WSCD2: variants seen among roughly 807,000 people sequenced by gnomAD.
The protein encoded by WSCD2 is WSC domain sialate O sulfotransferase 2.
In WSCD2, 28 loss-of-function variants were observed where a neutral mutation model predicts 55.7. The ratio of observed to expected loss-of-function variants is 0.50; its 90% confidence interval spans 0.37 to 0.69. The LOEUF is 0.69. Among genes scored for constraint, WSCD2 ranks in the 30% least tolerant of loss-of-function variants. WSCD2 has a pLI of 0.00. For missense variants in WSCD2, 616 were observed against 762.1 expected (o/e 0.81, Z 2.26); for synonymous variants, 301 against 301.9 (o/e 1.00, Z 0.03).
At position 108,196,206 on chromosome 12, in the gene WSCD2, A is replaced by C. The variant is rs369077410; in HGVS notation, c.374A>C (p.Glu125Ala). The part of the protein sequence containing the change: ...LKGRVVREKE[E>A]ERAKYIGCYL... Reference sequence around the variant, plus strand: ...GGGAGGGTTGTCCGGGAGAAGGAGGAAGAGCGAGGTAAGAGCGAGGAACAT... The same window carrying C: ...GGGAGGGTTGTCCGGGAGAAGGAGGCAGAGCGAGGTAAGAGCGAGGAACAT... Residue 125 changes from glutamate to alanine, a missense_variant, in exon 2 of 9, where the codon GAA becomes GCA. By Grantham distance (107) the Glu-to-Ala change is moderately radical (BLOSUM62 -1). Coordinates refer to ENST00000547525, the MANE Select transcript of WSCD2 (RefSeq NM_014653.4). 20 of 1,612,850 alleles carry C rather than the reference A, an allele frequency of 1.2e-5. No homozygotes were observed. In the African/African-American group the frequency reaches 2.7e-4, roughly 22 times the overall value.
intron 1 of WSCD2, among the ~76,000 whole-genome samples, chr12:108,174,512 C>T (rs1333784346): frequency 6.6e-6 from 1 of 152,206 alleles, no homozygotes. Flanking sequence ...GATGTCATTG[C>T]TGGACAGTGT....
chr12:108,178,373 C>T (rs144665946), intron 1 of WSCD2, among the ~76,000 whole-genome samples: 3 of 152,262 alleles, frequency 2.0e-5, no homozygotes, highest in African/African-American at 7.2e-5. Flanking sequence ...ATCACTTGTT[C>T]ATTGACCTAC....
At chr12:108,136,154 A>T (rs1876189366) in intron 1 of WSCD2, among the ~76,000 whole-genome samples, 1 of 152,142 alleles carries the variant, frequency 6.6e-6, no homozygotes, top group Admixed American at 6.5e-5. Context: ...AACTCCAGAG[A>T]CTGTGAGCTG....
At chr12:108,148,462 GGGTAGT>G (rs543071996) in intron 1 of WSCD2, among the ~76,000 whole-genome samples, 120 of 151,892 alleles carry the variant, frequency 7.9e-4, no homozygotes, top group African/African-American at 2.9e-3. Flanking sequence ...CAATGGCGGT[GGGTAGT>G]GTGGGAGGTA....
At chr12:108,235,936 C>A (rs1324665424) in intron 7 of WSCD2, among the ~76,000 whole-genome samples, 1 of 152,188 alleles carries the variant, frequency 6.6e-6, no homozygotes, top group African/African-American at 2.4e-5. Flanking sequence ...ATCTAGCTAA[C>A]CCTGCCCAGT....
intron 7 of WSCD2, among the ~76,000 whole-genome samples, chr12:108,233,369 T>C (rs895406330): frequency 1.3e-5 from 2 of 152,220 alleles, no homozygotes; most frequent in African/African-American, 4.8e-5. Context: ...GGGTGCTCTA[T>C]TTTCATTCCA....
chr12:108,224,962 T>G, intron 5 of WSCD2, 102 bp downstream of exon 5: 1 of 1,498,236 alleles, frequency 6.7e-7, no homozygotes, highest in East Asian at 2.3e-5. Context: ...TCAGTCGGGA[T>G]AGATGTAGTC....
chr12:108,161,096 A>C (rs1241605231), intron 1 of WSCD2, among the ~76,000 whole-genome samples: 1 of 152,238 alleles, frequency 6.6e-6, no homozygotes, highest in East Asian at 1.9e-4. Context: ...GCCACCACAC[A>C]CATGGTGTAT....
intron 1 of WSCD2, among the ~76,000 whole-genome samples, chr12:108,168,036 C>T (rs1474952628): frequency 6.6e-6 from 1 of 152,220 alleles, no homozygotes; most frequent in Non-Finnish European, 1.5e-5. Flanking sequence ...AGAAACTCAG[C>T]AATGGAGCAG....
At chr12:108,212,790 C>G (rs1279684332) in intron 4 of WSCD2, among the ~76,000 whole-genome samples, 3 of 152,128 alleles carry the variant, frequency 2.0e-5, no homozygotes, top group African/African-American at 7.2e-5. Flanking sequence ...GTGCTTTGTA[C>G]CATCTGAGAA....
chr12:108,191,349 C>T, intron 1 of WSCD2, among the ~76,000 whole-genome samples: 1 of 152,178 alleles, frequency 6.6e-6, no homozygotes, highest in East Asian at 1.9e-4. Context: ...GGGACAATGA[C>T]AGACTAGAGA....
At chr12:108,227,480 G>A (rs74879551) in intron 6 of WSCD2, among the ~76,000 whole-genome samples, 2,831 of 152,268 alleles carry the variant, frequency 0.019, 97 homozygotes, top group African/African-American at 0.065. Context: ...GTGTTATCCC[G>A]GACAAGTCAT....
chr12:108,132,502 G>A (rs1875685945), intron 1 of WSCD2, among the ~76,000 whole-genome samples: 2 of 152,152 alleles, frequency 1.3e-5, no homozygotes, highest in Admixed American at 6.5e-5. Flanking sequence ...GAGTGTGAGC[G>A]TGCATGTCTA....
intron 4 of WSCD2, among the ~76,000 whole-genome samples, chr12:108,212,544 TCCC>T (rs1886325733): frequency 6.7e-6 from 1 of 150,216 alleles, no homozygotes; most frequent in Non-Finnish European, 1.5e-5. Context: ...CCTCTTTCTC[TCCC>T]CCACCTTCCT....
In WSCD2 at chr12:108,164,148, T is replaced by TTTTTTTTTTTTG. The variant is rs1879380467; in HGVS notation, c.-551-31123_-551-31122insGTTTTTTTTTTT. On this transcript the variant is annotated intron_variant, in intron 1 of 8. Coordinates refer to ENST00000547525, the MANE Select transcript of WSCD2 (RefSeq NM_014653.4). ...TGTTTAATCTTAAATCCTTTTTTTT[T>TTTTTTTTTTTTG]TTTTTTTTTTTTTTCAGAGAGGGGG... is the stretch of plus-strand genomic sequence containing the variant. 1.6e-5 allele frequency among the ~76,000 whole-genome samples: 2 copies of TTTTTTTTTTTTG among 123,710 alleles called. 1 individual carries two copies. The highest frequency in any genetic ancestry group is 5.4e-5 in the African/African-American group (2 of 36,950). The allele number at this position is 123,710 out of a possible 152,430, so 81.2% of individuals were successfully genotyped here.
chr12:108,219,358 A>T (rs1887211752), intron 4 of WSCD2, among the ~76,000 whole-genome samples: 1 of 152,192 alleles, frequency 6.6e-6, no homozygotes, highest in African/African-American at 2.4e-5. Flanking sequence ...GTCGGCATCC[A>T]CATGCCCAGA....
At chr12:108,154,862 G>A (rs1448789182) in intron 1 of WSCD2, among the ~76,000 whole-genome samples, 1 of 152,076 alleles carries the variant, frequency 6.6e-6, no homozygotes, top group Non-Finnish European at 1.5e-5. Context: ...TGCAATCAAG[G>A]TGTGATGGGC....
intron 1 of WSCD2, among the ~76,000 whole-genome samples, chr12:108,147,044 T>A (rs1877466875): frequency 2.6e-5 from 4 of 152,182 alleles, no homozygotes; most frequent in Admixed American, 2.6e-4. Context: ...AGTGACCAAC[T>A]GGTTGCGGTT....
rs777814441 is a variant in WSCD2, at chr12:108,250,203, A to AT, written c.*1860_*1861insT. On this transcript the variant is annotated 3_prime_UTR_variant, in exon 9 of 9. Transcript: ENST00000547525. ...GTGTGTGTGTGTGTGTGTGTGTATG[A>AT]GAGAGAGAGAGAGAGACAACAGAGA... The AT allele has an allele frequency of 0.15, 15,139 of 100,808 alleles. 772 individuals carry two copies. Among genetic ancestry groups the AT allele is most frequent in the African/African-American group, 0.21 (4,973 of 23,446 alleles). The allele number at this position is 100,808 out of a possible 1,614,324, so 6.2% of individuals were successfully genotyped here.
Sources: allele counts gnomAD v4.1 joint callset (sites outside exome capture counted in the v4.1 genomes callset), GRCh38; gene constraint gnomAD v4.1.1; transcripts MANE v1.5; gene names NCBI Gene and HGNC (gene_info 2026-07-23, HGNC 2026-07-21).